GTPBP8: variants seen among roughly 807,000 people sequenced by gnomAD.
GTPBP8 encodes the protein GTP-binding protein 8.
Under a neutral mutation model 27.3 loss-of-function variants are expected in GTPBP8, and 21 were observed. The ratio of observed to expected loss-of-function variants is 0.77; its 90% CI spans 0.55 to 1.11. The LOEUF is 1.11. GTPBP8 is among the 50% of genes least tolerant of loss of function. GTPBP8 has a pLI of 0.00. For synonymous variants in GTPBP8, 147 were observed against 135.3 expected, an observed-to-expected ratio of 1.09 and a Z score of -0.60; for missense variants, 380 against 350.8, an observed-to-expected ratio of 1.08 and a Z score of -0.67.
intron 4 of GTPBP8, among the ~76,000 whole-genome samples, chr3:112,998,721 C>T (rs1227707156): frequency 3.9e-5 from 6 of 152,018 alleles, no homozygotes; most frequent in African/African-American, 1.2e-4. Flanking sequence ...AACAAATGAT[C>T]GTAACAAGGG....
chr3:112,996,722 A>G (rs1933793790), intron 3 of GTPBP8, among the ~76,000 whole-genome samples, 170 bp from the exon 4 acceptor site: 2 of 152,210 alleles, frequency 1.3e-5, no homozygotes, highest in African/African-American at 2.4e-5. Flanking sequence ...GACCTACTGG[A>G]CTGCAGGATA....
In GTPBP8 at chr3:112,991,175, C is replaced by T; in HGVS notation, c.176C>T (p.Ala59Val). The change falls in exon 1 of 6, where the codon GCC becomes GTC. Residue 59 changes from alanine (A) to valine (V), a missense_variant. By Grantham distance (64) the Ala-to-Val change is moderately conservative (BLOSUM62 0). Transcript: ENST00000383678. ...CTGCAGGAAGTAGAGCGGTTCCTCG[C>T]CCCCTACGGGAGGCAAGACCTTCAC... ...YPLQEVERFL[A>V]PYGRQDLHLR... 6.2e-7 allele frequency: 1 copy of T among 1,614,142 alleles called. No homozygotes were observed. Among genetic ancestry groups the T allele is most frequent in the Non-Finnish European group, 8.5e-7 (1 of 1,180,018 alleles).
intron 5 of GTPBP8, among the ~76,000 whole-genome samples, chr3:112,999,926 G>C (rs1456223280): frequency 6.6e-6 from 1 of 152,092 alleles, no homozygotes; most frequent in East Asian, 1.9e-4. Flanking sequence ...CCTCCATCCA[G>C]GTTGCTTCAC....
intron 1 of GTPBP8, 148 bp downstream of exon 1, chr3:112,991,483 G>C: frequency 1.3e-6 from 1 of 751,678 alleles, no homozygotes; most frequent in South Asian, 1.5e-5. Flanking sequence ...GGCATATGTC[G>C]ATGCTCCCTG....
intron 3 of GTPBP8, among the ~76,000 whole-genome samples, chr3:112,995,789 GC>G (rs1274381996): frequency 1.3e-5 from 2 of 152,088 alleles, no homozygotes; most frequent in Admixed American, 6.6e-5. Context: ...CACCCGCCTT[GC>G]CCTCCCAAAG....
chr3:112,991,511 G>T (rs1448143170), intron 1 of GTPBP8, 176 bp downstream of exon 1: 1 of 720,908 alleles, frequency 1.4e-6, no homozygotes. Context: ...GGATACCCGA[G>T]AAACCCATTG....
chr3:112,998,826 C>T (rs1230552147), intron 4 of GTPBP8, among the ~76,000 whole-genome samples: 1 of 152,150 alleles, frequency 6.6e-6, no homozygotes, highest in African/African-American at 2.4e-5. Context: ...GACTAAAAAG[C>T]ATGATTTGCC....
intron 4 of GTPBP8, among the ~76,000 whole-genome samples, chr3:112,998,235 A>G (rs1483197712): frequency 6.6e-6 from 1 of 152,156 alleles, no homozygotes; most frequent in Non-Finnish European, 1.5e-5. Context: ...TCAGTCCCCA[A>G]GACGACTCCT....
Position 112,995,176 on chromosome 3 carries a change from T to C in GTPBP8, c.477T>C (p.His159=). The C allele has an allele frequency of 6.2e-7, 1 of 1,606,560 alleles. No homozygotes were observed. The highest frequency in any genetic ancestry group is 8.5e-7 in the Non-Finnish European group (1 of 1,175,656). Residue 159 remains histidine (H), a synonymous_variant, in exon 3 of 6, where the codon CAT becomes CAC. Coordinates refer to ENST00000383678, the MANE Select transcript of GTPBP8 (RefSeq NM_014170.4). ...KKMNFFKVGK[H]FTVVDMPGYG... ...TGAATTTTTTCAAAGTTGGAAAACA[T>C]TTTACAGTGGTGGACATGCCAGGTT...
intron 5 of GTPBP8, 87 bp from the exon 6 acceptor site, chr3:113,000,763 T>C (rs1295847531): frequency 2.6e-6 from 2 of 778,190 alleles, no homozygotes; most frequent in African/African-American, 3.5e-5. Flanking sequence ...TATGAAATCA[T>C]AAGAATTTGT....
At position 112,995,209 on chromosome 3, in the gene GTPBP8, T is replaced by C. The variant is rs1933760905; in HGVS notation, c.510T>C (p.Phe170=). 2.5e-6 allele frequency: 4 copies of C among 1,609,088 alleles called. No homozygotes were observed. Among genetic ancestry groups the C allele is most frequent in the Non-Finnish European group, 3.4e-6 (4 of 1,176,162 alleles). The part of the protein sequence containing the change: ...FTVVDMPGYG[F]RAPEDFVDMV... The stretch of plus-strand genomic sequence containing the variant: ...TGGTGGACATGCCAGGTTATGGCTT[T>C]AGAGCACCTGAAGATTTTGTTGACA... Residue 170 remains phenylalanine (F), a synonymous_variant, in exon 3 of 6, where the codon TTT becomes TTC. Transcript: ENST00000383678.
chr3:112,991,705 T>G (rs76863923), intron 1 of GTPBP8: 9,991 of 409,458 alleles, frequency 0.024, 166 homozygotes, highest in African/African-American at 0.036. Flanking sequence ...TTAACTCTCC[T>G]TTTTTCTTCT....
intron 2 of GTPBP8, among the ~76,000 whole-genome samples, chr3:112,994,557 TATC>T (rs1231556634): frequency 5.3e-5 from 8 of 152,250 alleles, no homozygotes; most frequent in East Asian, 1.9e-4. Flanking sequence ...GTTTTGTAAT[TATC>T]ATGTTGTATA....
Position 112,995,221 on chromosome 3 carries a change from A to C in GTPBP8, c.522A>C (p.Glu174Asp). The C allele has an allele frequency of 6.2e-7, 1 of 1,609,310 alleles. No individual in the cohort carries two copies. Among genetic ancestry groups the C allele is most frequent in the East Asian group, 2.2e-5 (1 of 44,760 alleles). ...CAGGTTATGGCTTTAGAGCACCTGA[A>C]GATTTTGTTGACATGGTAGAGACCT... Reference protein sequence around the residue: ...DMPGYGFRAPEDFVDMVETYL... With the variant: ...DMPGYGFRAPDDFVDMVETYL... The change falls in exon 3 of 6, where the codon GAA becomes GAC. Residue 174 changes from glutamate (E) to aspartate (D), a missense_variant. Coordinates refer to ENST00000383678, the MANE Select transcript of GTPBP8 (RefSeq NM_014170.4).
At chr3:112,994,423 CAAAA>C (rs57931589) in intron 2 of GTPBP8, among the ~76,000 whole-genome samples, 3 of 108,514 alleles carry the variant, frequency 2.8e-5, no homozygotes, top group African/African-American at 6.3e-5. Flanking sequence ...AACTCTGTCT[CAAAA>C]AAAAAAAAAA....
At chr3:112,997,756 T>C (rs896722157) in intron 4 of GTPBP8, among the ~76,000 whole-genome samples, 1 of 152,174 alleles carries the variant, frequency 6.6e-6, no homozygotes, top group Non-Finnish European at 1.5e-5. Context: ...ATTCTTGGGG[T>C]CTGCAAAAGC....
rs189561721 is a variant in GTPBP8 at position 112,994,918 on chromosome 3, A to G, written c.436-217A>G. On this transcript the variant is annotated intron_variant, in intron 2 of 5. Transcript: ENST00000383678. ...CTAAAGTTCTTCTTAAGTCATACAG[A>G]TTCTTTTTTTAAAATGAAGCGAAAA... is the stretch of plus-strand genomic sequence containing the variant. Among the ~76,000 whole-genome samples the G allele has an allele frequency of 2.8e-4, 43 of 152,338 alleles. No individual in the cohort carries two copies. In the East Asian group the frequency reaches 6.5e-3, roughly 23 times the overall value.
Position 112,999,392 on chromosome 3 carries a change from A to G in GTPBP8, c.667-54A>G, listed in dbSNP as rs144912477. 2.0e-3 allele frequency: 1,206 copies of G among 617,842 alleles called. 10 individuals carry two copies. The highest frequency in any genetic ancestry group is 9.2e-3 in the East Asian group (325 of 35,430). 38.3% of individuals were successfully genotyped at this position (617,842 alleles called of 1,614,324 possible). ...ATGAAAAATTATAGCTAAAATGTGT[A>G]AAATTATTAAGAACCACTTTATTTC... On this transcript the variant is annotated intron_variant, in intron 4 of 5. Transcript: ENST00000383678.
intron 2 of GTPBP8, among the ~76,000 whole-genome samples, chr3:112,994,001 A>T (rs1933735824): frequency 6.6e-6 from 1 of 152,230 alleles, no homozygotes; most frequent in African/African-American, 2.4e-5. Context: ...TGACATTCCC[A>T]ATCTGTAATT....
Sources: gnomAD v4.1 joint callset for allele counts (sites outside exome capture counted in the v4.1 genomes callset) on GRCh38, gnomAD v4.1.1 for gene constraint, MANE v1.5 for transcripts, NCBI Gene and HGNC (gene_info 2026-07-23, HGNC 2026-07-21) for gene names.